Variants in COX15 observed in about 807,000 individuals in gnomAD.
COX15 encodes heme A synthase COX15.
A neutral mutation model predicts 51.9 loss-of-function variants in COX15; 51 were observed. The observed-to-expected ratio is 0.98, with a 90% confidence interval of 0.78 to 1.24. The LOEUF (loss-of-function observed/expected upper bound fraction) is 1.24, where lower values mean the gene tolerates loss of function less well. Among genes scored for constraint, COX15 ranks in the 50% most tolerant of loss-of-function variants. The pLI, the probability that COX15 is intolerant of heterozygous loss-of-function variation, is 0.00. For missense variants in COX15, 420 were observed against 501.1 expected (o/e 0.84, Z 1.55); for synonymous variants, 188 against 190.5 (o/e 0.99, Z 0.11).
the COX15 span, among the ~76,000 whole-genome samples, chr10:99,702,989 C>T: frequency 6.6e-6 from 1 of 152,192 alleles, no homozygotes; most frequent in Non-Finnish European, 1.5e-5. Context: ...TTCCAAGATA[C>T]TGACAAGCTA....
chr10:99,709,689 T>C, downstream of COX15: 4 of 985,462 alleles, frequency 4.1e-6, no homozygotes, highest in South Asian at 1.9e-4. Flanking sequence ...TACCCTGTTT[T>C]CTGTTTCTGC....
chr10:99,701,838 A>G, the COX15 span, among the ~76,000 whole-genome samples: 1 of 151,310 alleles, frequency 6.6e-6, no homozygotes, highest in Admixed American at 6.6e-5. Flanking sequence ...ACCTGAGTTC[A>G]GGAGTTCAAG....
At chr10:99,704,324 C>A in the COX15 span, 2 of 888,614 alleles carry the variant, frequency 2.3e-6, no homozygotes, top group Non-Finnish European at 3.5e-6. Context: ...CTCTGTGGAG[C>A]TGGTGTCATA....
chr10:99,708,181 A>C (rs750792416), downstream of COX15, among the ~76,000 whole-genome samples: 1 of 152,100 alleles, frequency 6.6e-6, no homozygotes, highest in Non-Finnish European at 1.5e-5. Flanking sequence ...CCTCATCCTA[A>C]GAGATTCCTT....
chr10:99,700,904 G>C, the COX15 span: 63 of 1,274,062 alleles, frequency 4.9e-5, no homozygotes, highest in South Asian at 7.2e-4. Flanking sequence ...TGGAACAGCT[G>C]TGACTGTGGG....
chr10:99,718,852 T>C (rs1183729929), intron 6 of COX15, among the ~76,000 whole-genome samples: 1 of 152,146 alleles, frequency 6.6e-6, no homozygotes. Flanking sequence ...TGATTTATTT[T>C]AGAAATGCTC....
downstream of COX15, chr10:99,706,012 G>C (rs2036243759): frequency 6.6e-6 from 1 of 152,130 alleles, no homozygotes; most frequent in Non-Finnish European, 1.5e-5. Context: ...AGCCTTGAAT[G>C]TCCTTTCCAC....
rs1437819966 is a variant in COX15, at chr10:99,713,178, C to T, written c.*1409G>A. On this transcript the variant is annotated 3_prime_UTR_variant, in exon 9 of 9. Coordinates refer to ENST00000016171, the MANE Select transcript of COX15 (RefSeq NM_078470.6). Reference sequence around the variant, plus strand: ...TTTTTCTGTTATCATATAATAACAACATGAATACTACTTGGTTCATATTGA... The same window carrying T: ...TTTTTCTGTTATCATATAATAACAATATGAATACTACTTGGTTCATATTGA... 2.9e-6 allele frequency: 4 copies of T among 1,365,068 alleles called. No individual in the cohort carries two copies. In the African/African-American group the frequency reaches 4.4e-5, roughly 15 times the overall value. 84.6% of individuals were successfully genotyped at this position (1,365,068 alleles called of 1,614,324 possible).
At chr10:99,700,888 T>G in the COX15 span, 2 of 1,127,846 alleles carry the variant, frequency 1.8e-6, no homozygotes, top group Non-Finnish European at 2.7e-6. Flanking sequence ...CAAGTAACTT[T>G]AGAAATGGAA....
rs1442345718 is a variant in COX15, at chr10:99,729,645, A to G, written c.180T>C (p.Leu60=). Reference sequence around the variant, plus strand: ...CCACCCGCTCAGCAGCCTTTGAGGGAAGGGACACTGTACCCCTTCCAGATT... The same window carrying G: ...CCACCCGCTCAGCAGCCTTTGAGGGGAGGGACACTGTACCCCTTCCAGATT... ...ALQSGRGTVS[L]PSKAAERVVG... The change falls in exon 2 of 9, where the codon CTT becomes CTC. Residue 60 remains leucine (L), a synonymous_variant. Transcript: ENST00000016171. 3 of 1,613,882 alleles carry G rather than the reference A, an allele frequency of 1.9e-6. No individual in the cohort carries two copies. The highest frequency in any genetic ancestry group is 2.5e-6 in the Non-Finnish European group (3 of 1,180,008).
Position 99,732,087 on chromosome 10 carries a change from G to A in COX15, c.-38C>T, listed in dbSNP as rs1418751775. ...GAACAGCCACCTCTTCCACAACCCA[G>A]GGCTCTGTGGTCTCCCTCCTCCGCC... On this transcript the variant is annotated 5_prime_UTR_variant, in exon 1 of 9. Transcript: ENST00000016171. The A allele has an allele frequency of 6.3e-7, 1 of 1,598,172 alleles. No individual in the cohort carries two copies. Among genetic ancestry groups the A allele is most frequent in the East Asian group, 2.3e-5 (1 of 44,280 alleles).
intron 3 of COX15, 131 bp downstream of exon 3, chr10:99,727,310 G>C: frequency 6.8e-7 from 1 of 1,477,558 alleles, no homozygotes; most frequent in South Asian, 1.2e-5. Context: ...GGATTTGGGG[G>C]CTTAGAAGAC....
chr10:99,712,305 C>A lies in COX15; in HGVS notation c.*2282G>T. ...TGAGATCACCTAGTTCAGAGACTAACGGGAAACGTTAGGTCATTTATGGCT... is the reference window on the plus strand; with the variant it reads ...TGAGATCACCTAGTTCAGAGACTAAAGGGAAACGTTAGGTCATTTATGGCT... On this transcript the variant is annotated 3_prime_UTR_variant, in exon 9 of 9. Coordinates refer to ENST00000016171, the MANE Select transcript of COX15 (RefSeq NM_078470.6). 1.0e-6 allele frequency: 1 copy of A among 985,342 alleles called. No homozygotes were observed. Among genetic ancestry groups the A allele is most frequent in the Non-Finnish European group, 1.2e-6 (1 of 829,894 alleles). 61.0% of individuals were successfully genotyped at this position (985,342 alleles called of 1,614,324 possible).
At chr10:99,698,447 A>G in the COX15 span, 42 of 1,308,652 alleles carry the variant, frequency 3.2e-5, no homozygotes, top group African/African-American at 5.6e-4. Flanking sequence ...GTAGTAAGAT[A>G]TTTCTGATGC....
chr10:99,704,669 C>T, the COX15 span: 6 of 1,613,516 alleles, frequency 3.7e-6, no homozygotes, highest in South Asian at 1.1e-5. Flanking sequence ...GATGGGAGTA[C>T]AGGTGGGGCC....
At chr10:99,717,974 C>T (rs910402335) in intron 7 of COX15, among the ~76,000 whole-genome samples, 1 of 152,352 alleles carries the variant, frequency 6.6e-6, no homozygotes, top group South Asian at 2.1e-4. Context: ...CCGAGAGCTA[C>T]GTGCTTAGCA....
At chr10:99,725,005 T>G (rs1167636305) in intron 4 of COX15, among the ~76,000 whole-genome samples, 1 of 152,224 alleles carries the variant, frequency 6.6e-6, no homozygotes, top group African/African-American at 2.4e-5. Context: ...TGGGGACGCA[T>G]AGTCAAAGAA....
At chr10:99,716,661 G>C (rs1364147247) in intron 7 of COX15, 200 bp from the exon 8 acceptor site, 1 of 528,638 alleles carries the variant, frequency 1.9e-6, no homozygotes, top group Non-Finnish European at 3.5e-6. Flanking sequence ...CCACTTAAAC[G>C]TCGGTATCAC....
At chr10:99,704,811 T>C in the COX15 span, 1 of 853,562 alleles carries the variant, frequency 1.2e-6, no homozygotes. Flanking sequence ...GAATTTCTAC[T>C]TTACTTTCTA....
Sources: gnomAD v4.1 joint callset for allele counts (sites outside exome capture counted in the v4.1 genomes callset) on GRCh38, gnomAD v4.1.1 for gene constraint, MANE v1.5 for transcripts, NCBI Gene and HGNC (gene_info 2026-07-23, HGNC 2026-07-21) for gene names.